TSPAN12: variants seen among roughly 807,000 people sequenced by gnomAD.
TSPAN12 encodes tetraspanin-12.
TSPAN12 carries 19 observed loss-of-function variants against 39.2 expected under a neutral mutation model. That is an observed-to-expected ratio of 0.49 (90% CI 0.34 to 0.71). TSPAN12 has a LOEUF of 0.71. Among genes scored for constraint, TSPAN12 ranks in the 30% least tolerant of loss-of-function variants. The pLI, the probability that TSPAN12 is intolerant of heterozygous loss-of-function variation, is 0.01. For synonymous variants in TSPAN12, 119 were observed against 124.8 expected, an observed-to-expected ratio of 0.95 and a Z score of 0.31; for missense variants, 314 against 359.9, an observed-to-expected ratio of 0.87 and a Z score of 1.03.
At chr7:120,824,708 G>A (rs1347334848) in intron 4 of TSPAN12, among the ~76,000 whole-genome samples, 1 of 151,984 alleles carries the variant, frequency 6.6e-6, no homozygotes, top group Non-Finnish European at 1.5e-5. Flanking sequence ...ATTTGCTTTT[G>A]TATTAAATAT....
intron 7 of TSPAN12, among the ~76,000 whole-genome samples, chr7:120,793,008 C>T (rs1793561369): frequency 6.6e-6 from 1 of 152,230 alleles, no homozygotes; most frequent in South Asian, 2.1e-4. Context: ...TTGTTGGAAC[C>T]TGCCTTCTTT....
intron 4 of TSPAN12, among the ~76,000 whole-genome samples, chr7:120,836,099 G>A (rs1198818115): frequency 1.3e-5 from 2 of 152,146 alleles, no homozygotes; most frequent in African/African-American, 2.4e-5. Flanking sequence ...TCCCAGAGGA[G>A]GACAGAAAAG....
intron 2 of TSPAN12, among the ~76,000 whole-genome samples, chr7:120,853,183 T>G (rs1054421877): frequency 6.6e-6 from 1 of 151,256 alleles, no homozygotes; most frequent in African/African-American, 2.4e-5. Flanking sequence ...AACCTCTGCC[T>G]CCCAGGTTCA....
intron 7 of TSPAN12, among the ~76,000 whole-genome samples, chr7:120,806,128 G>A (rs1793867663): frequency 6.6e-6 from 1 of 151,978 alleles, no homozygotes; most frequent in South Asian, 2.1e-4. Context: ...TTTCTTTGGA[G>A]AGGTTCTTTT....
intron 7 of TSPAN12, among the ~76,000 whole-genome samples, chr7:120,799,553 T>C (rs1339164001): frequency 8.9e-6 from 1 of 112,378 alleles, no homozygotes; most frequent in East Asian, 2.1e-4. Context: ...ATTATATATA[T>C]AATTAAATAT....
intron 1 of TSPAN12, chr7:120,857,071 T>G: frequency 2.2e-6 from 1 of 460,506 alleles, no homozygotes; most frequent in Non-Finnish European, 4.0e-6. Flanking sequence ...ACTATCCGGA[T>G]GAATGAAGTC....
At chr7:120,799,663 A>T (rs1793718801) in intron 7 of TSPAN12, among the ~76,000 whole-genome samples, 2 of 123,562 alleles carry the variant, frequency 1.6e-5, no homozygotes, top group Non-Finnish European at 3.1e-5. Context: ...AAATATATAA[A>T]AATATATAAT....
intron 4 of TSPAN12, among the ~76,000 whole-genome samples, chr7:120,816,438 A>T (rs566357776): frequency 2.0e-5 from 3 of 152,154 alleles, no homozygotes; most frequent in Non-Finnish European, 4.4e-5. Context: ...CCTATGAAAT[A>T]GAGAAATATG....
chr7:120,849,482 C>T (rs1051724204), intron 2 of TSPAN12, among the ~76,000 whole-genome samples: 4 of 152,178 alleles, frequency 2.6e-5, no homozygotes, highest in Non-Finnish European at 5.9e-5. Context: ...AAACTGTCTG[C>T]CATCTGTAAC....
At chr7:120,856,103 T>C (rs899818472) in intron 2 of TSPAN12, among the ~76,000 whole-genome samples, 2 of 152,234 alleles carry the variant, frequency 1.3e-5, no homozygotes, top group African/African-American at 2.4e-5. Context: ...TAAATGGTTA[T>C]GGGATTTTCC....
At position 120,856,769 on chromosome 7, in the gene TSPAN12, G is replaced by A; in HGVS notation, c.-6C>T. 1 of 1,614,142 alleles carries A rather than the reference G, an allele frequency of 6.2e-7. No individual in the cohort carries two copies. The highest frequency in any genetic ancestry group is 1.1e-5 in the South Asian group (1 of 91,080). On this transcript the variant is annotated 5_prime_UTR_variant, in exon 2 of 8. Transcript: ENST00000222747. Reference sequence around the variant, plus strand: ...ACGGAATCTTCTCTGGCCATTGTGAGCCCCGTAAGGGAGAAGCCCCATCCT... The same window carrying A: ...ACGGAATCTTCTCTGGCCATTGTGAACCCCGTAAGGGAGAAGCCCCATCCT...
intron 2 of TSPAN12, among the ~76,000 whole-genome samples, chr7:120,846,210 A>C (rs1053595781): frequency 6.6e-6 from 1 of 152,130 alleles, no homozygotes; most frequent in East Asian, 1.9e-4. Flanking sequence ...TGATCCAGTC[A>C]CCTCACACCA....
rs561967326 is a variant in TSPAN12, at chr7:120,857,999, G to GAA, written c.-252_-251dup. On this transcript the variant is annotated 5_prime_UTR_variant, in exon 1 of 8. Coordinates refer to ENST00000222747, the MANE Select transcript of TSPAN12 (RefSeq NM_012338.4). ...CGCCGTCGCCGCCTCCTGGGAAAAA[G>GAA]AAAAAAAAAAAAAAAAGTCCTGGGC... 28 of 114,140 alleles carry GAA rather than the reference G, an allele frequency of 2.5e-4. No homozygotes were observed. Among genetic ancestry groups the GAA allele is most frequent in the East Asian group, 1.4e-3 (6 of 4,314 alleles). 7.1% of individuals were successfully genotyped at this position (114,140 alleles called of 1,614,324 possible).
intron 4 of TSPAN12, among the ~76,000 whole-genome samples, chr7:120,832,300 C>T (rs575080776): frequency 3.3e-5 from 5 of 152,244 alleles, no homozygotes; most frequent in African/African-American, 9.6e-5. Context: ...GCTGGAAACA[C>T]GCATTGGTTC....
intron 7 of TSPAN12, among the ~76,000 whole-genome samples, chr7:120,789,437 T>C (rs1189456983): frequency 6.6e-6 from 1 of 152,250 alleles, no homozygotes; most frequent in Non-Finnish European, 1.5e-5. Context: ...GTCGCTTCTC[T>C]GGCCGCCTTA....
chr7:120,814,964 T>C (rs1794051671), intron 5 of TSPAN12, among the ~76,000 whole-genome samples: 2 of 152,224 alleles, frequency 1.3e-5, no homozygotes, highest in Non-Finnish European at 2.9e-5. Flanking sequence ...CTGTTCACTA[T>C]TGCAGTCAGC....
chr7:120,836,020 A>G (rs566211107), intron 4 of TSPAN12, among the ~76,000 whole-genome samples: 1 of 152,188 alleles, frequency 6.6e-6, no homozygotes, highest in East Asian at 1.9e-4. Context: ...GTTGGTACAT[A>G]CTTCATTACC....
At chr7:120,810,117 A>G (rs1322334154) in intron 6 of TSPAN12, among the ~76,000 whole-genome samples, 1 of 152,198 alleles carries the variant, frequency 6.6e-6, no homozygotes, top group South Asian at 2.1e-4. Context: ...TAAAATATTG[A>G]GAGCTCTAAA....
chr7:120,833,492 G>T (rs1794424901), intron 4 of TSPAN12, among the ~76,000 whole-genome samples: 1 of 151,846 alleles, frequency 6.6e-6, no homozygotes, highest in East Asian at 1.9e-4. Flanking sequence ...ATTCAGATCT[G>T]GTTCAATCAC....
Sources: gnomAD v4.1 joint callset for allele counts (sites outside exome capture counted in the v4.1 genomes callset) on GRCh38, gnomAD v4.1.1 for gene constraint, MANE v1.5 for transcripts, NCBI Gene and HGNC (gene_info 2026-07-23, HGNC 2026-07-21) for gene names.